LPP: variants seen among roughly 807,000 people sequenced by gnomAD.
LPP encodes the protein LIM domain containing preferred translocation partner in lipoma.
Under a neutral mutation model 60.4 loss-of-function variants are expected in LPP, and 38 were observed. The ratio of observed to expected loss-of-function variants is 0.63; its 90% CI spans 0.49 to 0.83. LPP has a LOEUF of 0.83. Among genes scored for constraint, LPP ranks in the 40% least tolerant of loss-of-function variants. The pLI, the probability that LPP is intolerant of heterozygous loss-of-function variation, is 0.00. For synonymous variants in LPP, 328 were observed against 290.8 expected, an observed-to-expected ratio of 1.13 and a Z score of -1.30; for missense variants, 902 against 783.6, an observed-to-expected ratio of 1.15 and a Z score of -1.80.
At chr3:188,592,557 G>GTTTGTTTTTTTTTTTTTTTTTTTTTTTTT (rs1260656926) in intron 6 of LPP, among the ~76,000 whole-genome samples, 10 of 85,792 alleles carry the variant, frequency 1.2e-4, no homozygotes, top group African/African-American at 1.8e-4. Flanking sequence ...TTTTGTTTTT[G>GTTTGTTTTTTTTTTTTTTTTTTTTTTTTT]TTTTTTAAAT....
chr3:188,283,505 G>C (rs965282702), intron 2 of LPP, among the ~76,000 whole-genome samples: 2 of 152,188 alleles, frequency 1.3e-5, no homozygotes, highest in South Asian at 4.1e-4. Flanking sequence ...ATCTTAACTA[G>C]AATTGCTACT....
chr3:188,336,905 C>T (rs1480169310), intron 2 of LPP, among the ~76,000 whole-genome samples: 2 of 152,166 alleles, frequency 1.3e-5, no homozygotes, highest in East Asian at 1.9e-4. Flanking sequence ...CACTTCAGCT[C>T]AGGCCTGGGG....
chr3:188,302,467 C>T (rs1316645380), intron 2 of LPP, among the ~76,000 whole-genome samples: 1 of 152,212 alleles, frequency 6.6e-6, no homozygotes, highest in Non-Finnish European at 1.5e-5. Context: ...GAAGGCAGGG[C>T]TTTCATATGG....
intron 5 of LPP, among the ~76,000 whole-genome samples, chr3:188,500,570 A>C (rs1811535058): frequency 1.3e-5 from 2 of 152,148 alleles, no homozygotes; most frequent in Non-Finnish European, 2.9e-5. Context: ...TTGATGTCAC[A>C]GAATGAGTTA....
At chr3:188,553,273 T>C (rs1255046380) in intron 6 of LPP, among the ~76,000 whole-genome samples, 1 of 152,156 alleles carries the variant, frequency 6.6e-6, no homozygotes, top group African/African-American at 2.4e-5. Flanking sequence ...TACCCTTTCC[T>C]CCTACTTGTT....
intron 2 of LPP, among the ~76,000 whole-genome samples, chr3:188,309,023 T>TTC (rs11391590): frequency 0.035 from 2,211 of 63,474 alleles, 47 homozygotes; most frequent in African/African-American, 0.11. Flanking sequence ...CTTCTTCTTC[T>TTC]TTTTTTTTTT....
At chr3:188,651,053 G>A (rs1385718529) in intron 7 of LPP, among the ~76,000 whole-genome samples, 4 of 152,166 alleles carry the variant, frequency 2.6e-5, no homozygotes, top group African/African-American at 9.7e-5. Context: ...AATTTATACA[G>A]CATGCAGTTT....
In LPP at chr3:188,441,609, C is replaced by CTTTTTTTTTTTTTTTT. The variant is rs1004222826; in HGVS notation, c.193+35310_193+35325dup. Among the ~76,000 whole-genome samples the CTTTTTTTTTTTTTTTT allele has an allele frequency of 4.4e-3, 246 of 55,560 alleles. 30 individuals carry two copies. Among genetic ancestry groups the CTTTTTTTTTTTTTTTT allele is most frequent in the Non-Finnish European group, 5.2e-3 (154 of 29,364 alleles). The allele number at this position is 55,560 out of a possible 152,430, so 36.4% of individuals were successfully genotyped here. A position where few individuals can be genotyped will look rare whatever the true frequency, so the allele number is the denominator to read the frequency against. ...ACAGTTTCTTTTTTTCTTTTCTTTT[C>CTTTTTTTTTTTTTTTT]TTTTTTTTTTTTTTTTTTTTTTTTT... On this transcript the variant is annotated intron_variant, in intron 4 of 11. Transcript: ENST00000617246.
intron 7 of LPP, among the ~76,000 whole-genome samples, chr3:188,633,882 T>A (rs1290050160): frequency 6.6e-6 from 1 of 152,230 alleles, no homozygotes; most frequent in Non-Finnish European, 1.5e-5. Context: ...GGAAATAATT[T>A]GAAGGCTTTT....
chr3:188,884,736 G>C lies in LPP; in HGVS notation c.*10257G>C, dbSNP rs555089967. 8.8e-6 allele frequency: 2 copies of C among 226,238 alleles called. No homozygotes were observed. The highest frequency in any genetic ancestry group is 1.8e-5 in the Non-Finnish European group (2 of 113,810). 14.0% of individuals were successfully genotyped at this position (226,238 alleles called of 1,614,324 possible). A position where few individuals can be genotyped will look rare whatever the true frequency, so the allele number is the denominator to read the frequency against. On this transcript the variant is annotated 3_prime_UTR_variant, in exon 12 of 12. Coordinates refer to ENST00000617246, the MANE Select transcript of LPP (RefSeq NM_001375462.1). Reference sequence around the variant, plus strand: ...CTCTCTCCCATGAACCACGATGTACGTTCCACAGAGGCAGAAACCGCCGTA... The same window carrying C: ...CTCTCTCCCATGAACCACGATGTACCTTCCACAGAGGCAGAAACCGCCGTA...
chr3:188,825,738 A>G (rs1755310554), intron 9 of LPP, among the ~76,000 whole-genome samples: 1 of 151,864 alleles, frequency 6.6e-6, no homozygotes, highest in Non-Finnish European at 1.5e-5. Flanking sequence ...CACACATTTC[A>G]GCTTATGGTT....
At chr3:188,694,709 A>C (rs551049014) in intron 7 of LPP, among the ~76,000 whole-genome samples, 1 of 150,992 alleles carries the variant, frequency 6.6e-6, no homozygotes, top group Admixed American at 6.6e-5. Flanking sequence ...AAAAAAAAAA[A>C]ATAAATAAAA....
At chr3:188,514,761 T>A (rs1351833441) in intron 5 of LPP, among the ~76,000 whole-genome samples, 1 of 152,226 alleles carries the variant, frequency 6.6e-6, no homozygotes, top group Non-Finnish European at 1.5e-5. Context: ...TTACATGTTT[T>A]TCAGTCCAAA....
chr3:188,779,525 G>T (rs193204042), intron 9 of LPP, among the ~76,000 whole-genome samples: 1 of 151,868 alleles, frequency 6.6e-6, no homozygotes, highest in African/African-American at 2.4e-5. Flanking sequence ...AAGTAACCAC[G>T]TGAGCAGTTT....
chr3:188,607,778 GAAAATAAA>G (rs1842813083), intron 6 of LPP, among the ~76,000 whole-genome samples: 1 of 151,986 alleles, frequency 6.6e-6, no homozygotes, highest in South Asian at 2.1e-4. Flanking sequence ...CACCTATTTT[GAAAATAAA>G]AATGCAGGTA....
chr3:188,201,528 A>T (rs531190859), intron 1 of LPP, among the ~76,000 whole-genome samples: 1 of 151,972 alleles, frequency 6.6e-6, no homozygotes, highest in Non-Finnish European at 1.5e-5. Flanking sequence ...CCAACGTGGC[A>T]AAACCCCATC....
intron 6 of LPP, among the ~76,000 whole-genome samples, chr3:188,587,926 A>G (rs1020871652): frequency 6.6e-6 from 1 of 152,222 alleles, no homozygotes; most frequent in Non-Finnish European, 1.5e-5. Context: ...TATACAGTAC[A>G]TTGGGCTATG....
rs562561243 is a variant in LPP at position 188,773,482 on chromosome 3, T to C, written c.1410+13200T>C. Among the ~76,000 whole-genome samples the C allele has an allele frequency of 2.0e-5, 3 of 152,336 alleles. No individual in the cohort carries two copies. In the South Asian group the frequency reaches 6.2e-4, roughly 32 times the overall value. On this transcript the variant is annotated intron_variant, in intron 9 of 11. Coordinates refer to ENST00000617246, the MANE Select transcript of LPP (RefSeq NM_001375462.1). Reference sequence around the variant, plus strand: ...AATTGGATGGCTGCACTGAGGACTATTTAAGCAACCTTAAAATCACAAACA... The same window carrying C: ...AATTGGATGGCTGCACTGAGGACTACTTAAGCAACCTTAAAATCACAAACA...
intron 1 of LPP, among the ~76,000 whole-genome samples, chr3:188,162,274 T>A (rs1340901526): frequency 6.6e-6 from 1 of 152,182 alleles, no homozygotes; most frequent in Non-Finnish European, 1.5e-5. Flanking sequence ...GGTCGGGAGT[T>A]CAAGGGTCAT....
Sources: allele counts gnomAD v4.1 joint callset (sites outside exome capture counted in the v4.1 genomes callset), GRCh38; gene constraint gnomAD v4.1.1; transcripts MANE v1.5; gene names NCBI Gene and HGNC (gene_info 2026-07-23, HGNC 2026-07-21).